FLT1: variants seen among roughly 807,000 people sequenced by gnomAD.
The protein encoded by FLT1 is fms related receptor tyrosine kinase 1.
A neutral mutation model predicts 156.3 loss-of-function variants in FLT1; 49 were observed. That is an observed-to-expected ratio of 0.31 (90% confidence interval 0.25 to 0.40). FLT1 has a LOEUF of 0.40. Among genes scored for constraint, FLT1 ranks in the 10% least tolerant of loss-of-function variants. The probability of loss-of-function intolerance (pLI) is 1.00; values close to 1 mark genes in which losing one functional copy is unlikely to be tolerated. For missense variants in FLT1, 1,322 were observed against 1,637.2 expected (o/e 0.81, Z 3.32); for synonymous variants, 594 against 583.8 (o/e 1.02, Z -0.25).
chr13:28,387,425 T>G, intron 13 of FLT1: 1 of 1,056,530 alleles, frequency 9.5e-7, no homozygotes, highest in South Asian at 4.6e-5. Context: ...AAACCTAAGT[T>G]ACTTGATGGA....
intron 19 of FLT1, among the ~76,000 whole-genome samples, 165 bp downstream of exon 19, chr13:28,329,450 G>A (rs1172376307): frequency 6.6e-6 from 1 of 152,202 alleles, no homozygotes; most frequent in African/African-American, 2.4e-5. Flanking sequence ...ATTTATGGGA[G>A]CACCCTTCTG....
chr13:28,389,983 T>C lies in FLT1; in HGVS notation c.1782A>G (p.Thr594=), dbSNP rs774885540. Residue 594 remains threonine (T), a synonymous_variant, in exon 13 of 30, where the codon ACA becomes ACG. Coordinates refer to ENST00000282397, the MANE Select transcript of FLT1 (RefSeq NM_002019.4). ...TGTAGTGCATTGTTCTGTTATTAAC[T>C]GTCCGCAGTAAAATCCAAGTAACGT... is the stretch of plus-strand genomic sequence containing the variant. ...YRDVTWILLR[T]VNNRTMHYSI... is the part of the protein sequence containing the mutation. 3.7e-6 allele frequency: 6 copies of C among 1,614,200 alleles called. No individual in the cohort carries two copies. Among genetic ancestry groups the C allele is most frequent in the Admixed American group, 1.7e-5 (1 of 60,020 alleles).
chr13:28,448,526 G>A (rs1465513937), intron 3 of FLT1, among the ~76,000 whole-genome samples: 1 of 152,112 alleles, frequency 6.6e-6, no homozygotes, highest in Non-Finnish European at 1.5e-5. Flanking sequence ...TACAAATTAT[G>A]TATTCTATTT....
Position 28,357,868 on chromosome 13 carries a change from CTTTTT to C in FLT1, c.2117-188_2117-184del, listed in dbSNP as rs57304530. On this transcript the variant is annotated intron_variant, in intron 14 of 29. Coordinates refer to ENST00000282397, the MANE Select transcript of FLT1 (RefSeq NM_002019.4). ...CCAGGCTTTCTTTTTCTTTTCTTTC[CTTTTT>C]TTTTTTTTTTTTTTTTCTGCAGGCT... Among the ~76,000 whole-genome samples the C allele has an allele frequency of 1.2e-4, 13 of 104,726 alleles. No homozygotes were observed. In the South Asian group the frequency reaches 1.4e-3, roughly 11 times the overall value. 68.7% of individuals were successfully genotyped at this position (104,726 alleles called of 152,430 possible). A position where few individuals can be genotyped will look rare whatever the true frequency, so the allele number is the denominator to read the frequency against.
At chr13:28,487,148 C>T (rs931192758) in intron 1 of FLT1, among the ~76,000 whole-genome samples, 2 of 152,208 alleles carry the variant, frequency 1.3e-5, no homozygotes, top group African/African-American at 4.8e-5. Flanking sequence ...AGGTCCCTCT[C>T]AAGAGCTCAT....
chr13:28,435,235 CAGA>C (rs961050654), intron 4 of FLT1, among the ~76,000 whole-genome samples: 7 of 152,216 alleles, frequency 4.6e-5, no homozygotes, highest in African/African-American at 1.7e-4. Flanking sequence ...CTCTAATGCT[CAGA>C]AGTATTCCCA....
At chr13:28,317,306 C>T (rs1019001589) in intron 25 of FLT1, among the ~76,000 whole-genome samples, 192 bp downstream of exon 25, 4 of 152,224 alleles carry the variant, frequency 2.6e-5, no homozygotes, top group Admixed American at 6.5e-5. Context: ...TCAAGGGCCA[C>T]GTGCCCCACT....
intron 3 of FLT1, among the ~76,000 whole-genome samples, chr13:28,457,933 C>CTTTTTCTTTTTTTTT (rs1879352271): frequency 8.8e-6 from 1 of 114,210 alleles, no homozygotes; most frequent in African/African-American, 3.7e-5. Flanking sequence ...CTTTCCTTTT[C>CTTTTTCTTTTTTTTT]TTTTTTTTTT....
At chr13:28,311,538 C>CTTTTTTTTTT in intron 27 of FLT1, 52 bp downstream of exon 27, 1 of 1,432,560 alleles carries the variant, frequency 7.0e-7, no homozygotes, top group Non-Finnish European at 9.7e-7. Context: ...TTCTTTCCTT[C>CTTTTTTTTTT]TTTTTTTTGT....
intron 4 of FLT1, among the ~76,000 whole-genome samples, chr13:28,436,897 G>A (rs1262328615): frequency 2.6e-5 from 4 of 152,158 alleles, no homozygotes; most frequent in African/African-American, 9.7e-5. Context: ...AGAGTGAGGT[G>A]GAGAGAGGTT....
intron 14 of FLT1, among the ~76,000 whole-genome samples, chr13:28,366,680 A>C (rs1361418806): frequency 6.6e-6 from 1 of 152,064 alleles, no homozygotes; most frequent in Non-Finnish European, 1.5e-5. Flanking sequence ...CATGTTGGCC[A>C]TGCAGGTCTT....
intron 14 of FLT1, among the ~76,000 whole-genome samples, chr13:28,363,149 C>T (rs1238934878): frequency 6.6e-6 from 1 of 152,080 alleles, no homozygotes; most frequent in Non-Finnish European, 1.5e-5. Context: ...TTTATATGAC[C>T]CAAATCGTAG....
intron 10 of FLT1, among the ~76,000 whole-genome samples, chr13:28,425,729 G>T (rs1480194012): frequency 6.7e-6 from 1 of 149,076 alleles, no homozygotes; most frequent in Non-Finnish European, 1.5e-5. Flanking sequence ...CAATTATTTA[G>T]TTTTTTTTTT....
At chr13:28,404,412 C>T (rs1875657893) in intron 11 of FLT1, among the ~76,000 whole-genome samples, 1 of 152,192 alleles carries the variant, frequency 6.6e-6, no homozygotes, top group Admixed American at 6.5e-5. Flanking sequence ...ATCTTATCTT[C>T]CCTGTTTTAT....
intron 4 of FLT1, among the ~76,000 whole-genome samples, chr13:28,434,930 C>A (rs562404476): frequency 6.6e-6 from 1 of 152,134 alleles, no homozygotes; most frequent in South Asian, 2.1e-4. Flanking sequence ...ACCGGGGCTG[C>A]CAGATTATTC....
At chr13:28,375,588 T>C (rs1201220859) in intron 14 of FLT1, among the ~76,000 whole-genome samples, 1 of 152,240 alleles carries the variant, frequency 6.6e-6, no homozygotes. Flanking sequence ...TGAGCCTTGA[T>C]TCTGCAACAT....
rs1566012863 is a variant in FLT1 at position 28,412,338 on chromosome 13, C to CTTTCTTTCT, written c.1437-6453_1437-6445dup. 4.9e-4 allele frequency among the ~76,000 whole-genome samples: 38 copies of CTTTCTTTCT among 77,782 alleles called. 2 individuals are homozygous for CTTTCTTTCT. The highest frequency in any genetic ancestry group is 4.2e-3 in the South Asian group (8 of 1,888). 51.0% of individuals were successfully genotyped at this position (77,782 alleles called of 152,430 possible). On this transcript the variant is annotated intron_variant, in intron 10 of 29. Coordinates refer to ENST00000282397, the MANE Select transcript of FLT1 (RefSeq NM_002019.4). ...CTTTCTTTCTTTCTTTCTTTTCTTTCTTTCTTTCTTTCTCTTTCTTTCTTT... is the reference window on the plus strand; with the variant it reads ...CTTTCTTTCTTTCTTTCTTTTCTTTCTTTCTTTCTTTTCTTTCTTTCTCTTTCTTTCTTT...
intron 29 of FLT1, 97 bp from the exon 30 acceptor site, chr13:28,303,465 T>G: frequency 9.6e-7 from 1 of 1,041,182 alleles, no homozygotes; most frequent in East Asian, 2.7e-5. Flanking sequence ...CATTTGTTCA[T>G]ACCTGTCTAG....
At chr13:28,431,726 C>A (rs1464396680) in intron 6 of FLT1, among the ~76,000 whole-genome samples, 1 of 152,138 alleles carries the variant, frequency 6.6e-6, no homozygotes, top group Non-Finnish European at 1.5e-5. Context: ...ACACAGTAAC[C>A]TGTTCCCTAG....
Sources: allele counts gnomAD v4.1 joint callset (sites outside exome capture counted in the v4.1 genomes callset), GRCh38; gene constraint gnomAD v4.1.1; transcripts MANE v1.5; gene names NCBI Gene and HGNC (gene_info 2026-07-23, HGNC 2026-07-21).